Variants in TPM4 observed in about 807,000 individuals in gnomAD.
The protein encoded by TPM4 is tropomyosin alpha-4 chain.
TPM4 carries 17 observed loss-of-function variants against 35.8 expected under a neutral mutation model. The observed-to-expected ratio is 0.47, with a 90% CI of 0.32 to 0.71. The LOEUF (loss-of-function observed/expected upper bound fraction) is 0.71. TPM4 is among the 30% of genes least tolerant of loss of function. The pLI is 0.03. For missense variants in TPM4, 240 were observed against 320.9 expected (o/e 0.75, Z 1.93); for synonymous variants, 120 against 122.9 (o/e 0.98, Z 0.15).
intron 7 of TPM4, among the ~76,000 whole-genome samples, chr19:16,097,335 C>T (rs922573527): frequency 5.3e-5 from 8 of 151,666 alleles, no homozygotes; most frequent in Non-Finnish European, 1.2e-4. Context: ...AGTGCAGTGG[C>T]GCCATCTCTG....
intron 2 of TPM4, among the ~76,000 whole-genome samples, chr19:16,084,193 C>T (rs1002215978): frequency 9.2e-5 from 14 of 152,218 alleles, no homozygotes; most frequent in Non-Finnish European, 1.3e-4. Context: ...TCCCAAAGTG[C>T]TGGCACGCCT....
chr19:16,088,789 A>C, intron 4 of TPM4: 1 of 1,235,748 alleles, frequency 8.1e-7, no homozygotes, highest in Non-Finnish European at 1.0e-6. Flanking sequence ...CCCTTGGCAA[A>C]AGACCAGGAG....
At chr19:16,077,360 G>T (rs2090423202) in intron 1 of TPM4, 1 of 152,072 alleles carries the variant, frequency 6.6e-6, no homozygotes, top group African/African-American at 2.4e-5. Context: ...CGGGGCGGCG[G>T]GACCCTGCCT....
intron 7 of TPM4, among the ~76,000 whole-genome samples, chr19:16,096,687 C>G (rs1296800854): frequency 1.3e-5 from 2 of 152,164 alleles, no homozygotes; most frequent in Non-Finnish European, 2.9e-5. Flanking sequence ...CCTTAGAAAA[C>G]TGACTGTACA....
chr19:16,077,954 T>C (rs1303937763), intron 1 of TPM4: 1 of 375,390 alleles, frequency 2.7e-6, no homozygotes, highest in Non-Finnish European at 4.7e-6. Context: ...TTTGGATTTT[T>C]AGTAGAGACA....
intron 7 of TPM4, among the ~76,000 whole-genome samples, chr19:16,096,498 T>C (rs1362185984): frequency 6.6e-6 from 1 of 152,254 alleles, no homozygotes; most frequent in Non-Finnish European, 1.5e-5. Flanking sequence ...TCCCCTTGAA[T>C]GGGGCTTGAG....
rs551617615 is a variant in TPM4, at chr19:16,087,393, G to A, written c.385-634G>A. On this transcript the variant is annotated intron_variant, in intron 3 of 7. Coordinates refer to ENST00000643579, the MANE Select transcript of TPM4 (RefSeq NM_003290.3). Reference sequence around the variant, plus strand: ...GGAGTTCATGACCAGCCTGGCCAACGTGGTGAAACCCTGTCTCTACAAAAA... The same window carrying A: ...GGAGTTCATGACCAGCCTGGCCAACATGGTGAAACCCTGTCTCTACAAAAA... 8.2e-4 allele frequency among the ~76,000 whole-genome samples: 125 copies of A among 151,868 alleles called. 1 individual carries two copies. Among genetic ancestry groups the A allele is most frequent in the African/African-American group, 2.8e-3 (118 of 41,418 alleles).
Position 16,076,508 on chromosome 19 carries a change from C to G in TPM4, c.-58C>G. Reference sequence around the variant, plus strand: ...CGGGGCGCGGCTGTGCAGCTCTCGCCGGAGCCGAGCCCAGCCGAGCGTCCG... The same window carrying G: ...CGGGGCGCGGCTGTGCAGCTCTCGCGGGAGCCGAGCCCAGCCGAGCGTCCG... On this transcript the variant is annotated 5_prime_UTR_variant, in exon 1 of 8. Coordinates refer to ENST00000643579, the MANE Select transcript of TPM4 (RefSeq NM_003290.3). 2 of 1,368,228 alleles carry G rather than the reference C, an allele frequency of 1.5e-6. No individual in the cohort carries two copies. The highest frequency in any genetic ancestry group is 1.9e-6 in the Non-Finnish European group (2 of 1,066,660). 84.8% of individuals were successfully genotyped at this position (1,368,228 alleles called of 1,614,324 possible).
upstream of TPM4, among the ~76,000 whole-genome samples, chr19:16,072,706 A>G (rs2090366206): frequency 1.3e-5 from 2 of 152,188 alleles, no homozygotes; most frequent in South Asian, 2.1e-4. Context: ...ACCTGAGGTC[A>G]GGAGTTCGAG....
intron 7 of TPM4, among the ~76,000 whole-genome samples, chr19:16,097,804 A>AT (rs1272966149): frequency 6.6e-6 from 1 of 151,562 alleles, no homozygotes; most frequent in African/African-American, 2.4e-5. Flanking sequence ...TCCTCATCCT[A>AT]TTTTTTTGTC....
intron 7 of TPM4, chr19:16,099,565 C>T (rs2144966566): frequency 6.6e-6 from 1 of 152,254 alleles, no homozygotes; most frequent in South Asian, 2.1e-4. Context: ...GCCTGGGCAA[C>T]AGAGCAAGAC....
At chr19:16,079,767 TC>T (rs2090459133) in intron 1 of TPM4, 1 of 179,820 alleles carries the variant, frequency 5.6e-6, no homozygotes, top group African/African-American at 2.4e-5. Context: ...TGGCGCGATC[TC>T]GGCTCATTGC....
rs758094426 is a variant in TPM4, at chr19:16,086,413, C to A, written c.267-10C>A. Reference sequence around the variant, plus strand: ...GTGAACGGCCGTCCTGATGAGATTGCTCCTTGCAGAGGAATGAAGGTGATA... The same window carrying A: ...GTGAACGGCCGTCCTGATGAGATTGATCCTTGCAGAGGAATGAAGGTGATA... On this transcript the variant is annotated splice_polypyrimidine_tract_variant and intron_variant, in intron 2 of 7. Transcript: ENST00000643579. The A allele has an allele frequency of 3.7e-6, 6 of 1,610,970 alleles. No homozygotes were observed. In the South Asian group the frequency reaches 6.6e-5, roughly 18 times the overall value.
Position 16,096,098 on chromosome 19 carries a change from C to T in TPM4, c.664+2345C>T, listed in dbSNP as rs558798387. On this transcript the variant is annotated intron_variant, in intron 7 of 7. Coordinates refer to ENST00000643579, the MANE Select transcript of TPM4 (RefSeq NM_003290.3). ...ACACCACCACACCTGGCTAATTTTT[C>T]TTTTGGATTTTTAGTAGAGACAGGG... is the stretch of plus-strand genomic sequence containing the variant. 1.3e-3 allele frequency among the ~76,000 whole-genome samples: 204 copies of T among 152,070 alleles called. 1 individual carries two copies. Among genetic ancestry groups the T allele is most frequent in the African/African-American group, 4.8e-3 (198 of 41,516 alleles).
At chr19:16,084,435 C>G (rs910517692) in intron 2 of TPM4, among the ~76,000 whole-genome samples, 1 of 152,180 alleles carries the variant, frequency 6.6e-6, no homozygotes, top group Non-Finnish European at 1.5e-5. Flanking sequence ...GACCCAGTCA[C>G]GAGAGTTCCT....
intron 5 of TPM4, among the ~76,000 whole-genome samples, chr19:16,091,777 A>G (rs1260269410): frequency 6.6e-6 from 1 of 152,072 alleles, no homozygotes; most frequent in East Asian, 1.9e-4. Flanking sequence ...TTGATCACTT[A>G]ATAGCCATGT....
intron 2 of TPM4, among the ~76,000 whole-genome samples, chr19:16,069,623 T>C (rs567300792): frequency 1.4e-4 from 21 of 147,778 alleles, no homozygotes; most frequent in Admixed American, 5.4e-4. Context: ...TTGCTGTGTG[T>C]GTGTGGGTGA....
intron 5 of TPM4, among the ~76,000 whole-genome samples, chr19:16,090,818 T>A (rs2090617615): frequency 6.7e-6 from 1 of 149,996 alleles, no homozygotes; most frequent in African/African-American, 2.5e-5. Context: ...GTAGTGTGTG[T>A]GTGTAATTTT....
upstream of TPM4, chr19:16,076,056 G>C (rs755151675): frequency 2.5e-6 from 4 of 1,606,794 alleles, no homozygotes; most frequent in East Asian, 9.0e-5. Flanking sequence ...GGTGGAGGAG[G>C]AGCTGACGCA....
Sources: allele counts gnomAD v4.1 joint callset (sites outside exome capture counted in the v4.1 genomes callset), GRCh38; gene constraint gnomAD v4.1.1; transcripts MANE v1.5; gene names NCBI Gene and HGNC (gene_info 2026-07-23, HGNC 2026-07-21).